ZDHHC2: variants seen among roughly 807,000 people sequenced by gnomAD.
The protein encoded by ZDHHC2 is palmitoyltransferase ZDHHC2.
Under a neutral mutation model 55.6 loss-of-function variants are expected in ZDHHC2, and 51 were observed. The ratio of observed to expected loss-of-function variants is 0.92; its 90% confidence interval spans 0.73 to 1.16. The LOEUF (loss-of-function observed/expected upper bound fraction) is 1.16, where lower values mean the gene tolerates loss of function less well. Among genes scored for constraint, ZDHHC2 ranks in the 50% most tolerant of loss-of-function variants. The probability of loss-of-function intolerance (pLI) is 0.00; values close to 1 mark genes in which losing one functional copy is unlikely to be tolerated. For missense variants in ZDHHC2, 491 were observed against 442.4 expected, an observed-to-expected ratio of 1.11 and a Z score of -0.99; for synonymous variants, 199 against 152.9, an observed-to-expected ratio of 1.30 and a Z score of -2.22.
chr8:17,198,063 C>T (rs890580869), intron 5 of ZDHHC2, among the ~76,000 whole-genome samples: 9 of 152,212 alleles, frequency 5.9e-5, no homozygotes, highest in South Asian at 2.1e-4. Flanking sequence ...CCAGACTTTC[C>T]GTAAATCCGT....
rs144039117 is a variant in ZDHHC2, at chr8:17,216,634, A to C, written c.1064-538A>C. The stretch of plus-strand genomic sequence containing the variant: ...ATTCCTCTTCATCCAGAAGGGATTC[A>C]CATTTCATCTTACATAATTTATGTT... On this transcript the variant is annotated intron_variant, in intron 11 of 12. Transcript: ENST00000262096. Among the ~76,000 whole-genome samples, 78 of 152,330 alleles carry C rather than the reference A, an allele frequency of 5.1e-4. 2 individuals are homozygous for C. The highest frequency in any genetic ancestry group is 1.8e-3 in the African/African-American group (75 of 41,598).
chr8:17,163,489 T>C (rs906042182), intron 1 of ZDHHC2, among the ~76,000 whole-genome samples: 2 of 152,328 alleles, frequency 1.3e-5, no homozygotes, highest in Admixed American at 6.5e-5. Context: ...ATGGTCCTCA[T>C]TGATTTTTTT....
intron 8 of ZDHHC2, among the ~76,000 whole-genome samples, chr8:17,209,680 G>A (rs2904679): frequency 0.97 from 147,439 of 152,246 alleles, 71,585 homozygotes; most frequent in East Asian, 1. Context: ...TGTATTTTCT[G>A]ATTTTCTACA....
In ZDHHC2 at chr8:17,156,675, C is replaced by T. The variant is rs1448347231; in HGVS notation, c.-49C>T. On this transcript the variant is annotated 5_prime_UTR_variant, in exon 1 of 13. Coordinates refer to ENST00000262096, the MANE Select transcript of ZDHHC2 (RefSeq NM_016353.5). ...CGGGCCCGCCCAGCCCGCCCCGGAG[C>T]CAGGCCCGCGGGCGGCGGCGGAGCT... The T allele has an allele frequency of 3.2e-6, 4 of 1,240,396 alleles. No individual in the cohort carries two copies. The allele number at this position is 1,240,396 out of a possible 1,614,324, so 76.8% of individuals were successfully genotyped here.
At position 17,164,031 on chromosome 8, in the gene ZDHHC2, G is replaced by A. The variant is rs77512945; in HGVS notation, c.130+7178G>A. On this transcript the variant is annotated intron_variant, in intron 1 of 12. Transcript: ENST00000262096. Reference sequence around the variant, plus strand: ...GTAGTGAAAAGGGCGAAATTATCAAGGCAGGGGGTAGGAGGAGGAGGCGCT... The same window carrying A: ...GTAGTGAAAAGGGCGAAATTATCAAAGCAGGGGGTAGGAGGAGGAGGCGCT... Among the ~76,000 whole-genome samples, 1,116 of 152,250 alleles carry A rather than the reference G, an allele frequency of 7.3e-3. 14 individuals are homozygous for A. Among genetic ancestry groups the A allele is most frequent in the African/African-American group, 0.026 (1,073 of 41,538 alleles).
intron 11 of ZDHHC2, among the ~76,000 whole-genome samples, chr8:17,216,717 T>C (rs924633079): frequency 2.0e-5 from 3 of 152,150 alleles, no homozygotes; most frequent in Non-Finnish European, 2.9e-5. Flanking sequence ...GCATGTTCGA[T>C]TAATTTTTTT....
intron 1 of ZDHHC2, among the ~76,000 whole-genome samples, chr8:17,165,233 T>A (rs2150880586): frequency 6.6e-6 from 1 of 152,318 alleles, no homozygotes; most frequent in Non-Finnish European, 1.5e-5. Context: ...TAACTTGTGA[T>A]CAAGTTTACT....
intron 1 of ZDHHC2, among the ~76,000 whole-genome samples, chr8:17,165,867 G>A (rs918874889): frequency 5.3e-5 from 8 of 152,156 alleles, no homozygotes; most frequent in Admixed American, 6.5e-5. Flanking sequence ...AACCATGCGG[G>A]TATTGTGGAG....
Position 17,217,235 on chromosome 8 carries a change from T to A in ZDHHC2, c.*23T>A. 1 of 1,603,926 alleles carries A rather than the reference T, an allele frequency of 6.2e-7. No homozygotes were observed. The highest frequency in any genetic ancestry group is 8.5e-7 in the Non-Finnish European group (1 of 1,174,310). ...TAACTCTTCAAGCAAGATAAATTCA[T>A]ACTTTATAAAAGTACGATAATTTTC... On this transcript the variant is annotated 3_prime_UTR_variant, in exon 12 of 13. Transcript: ENST00000262096.
At chr8:17,182,098 A>G (rs1485294440) in intron 1 of ZDHHC2, among the ~76,000 whole-genome samples, 5 of 152,190 alleles carry the variant, frequency 3.3e-5, no homozygotes, top group Admixed American at 2.0e-4. Context: ...TGCATAGTCC[A>G]TATATCTGTT....
intron 1 of ZDHHC2, among the ~76,000 whole-genome samples, chr8:17,158,787 C>T (rs1038915364): frequency 1.3e-5 from 2 of 152,162 alleles, no homozygotes; most frequent in African/African-American, 4.8e-5. Context: ...TTGTCCCTGC[C>T]TGCCTGGCGC....
intron 1 of ZDHHC2, among the ~76,000 whole-genome samples, chr8:17,168,191 C>G (rs954830731): frequency 6.6e-6 from 1 of 152,102 alleles, no homozygotes; most frequent in Non-Finnish European, 1.5e-5. Flanking sequence ...CAAGGAAGAC[C>G]GGAATTTTGG....
chr8:17,212,620 G>C (rs971196557), intron 10 of ZDHHC2, among the ~76,000 whole-genome samples: 1 of 152,242 alleles, frequency 6.6e-6, no homozygotes, highest in East Asian at 1.9e-4. Context: ...TACTTCAGTA[G>C]TTTTCTAACT....
intron 4 of ZDHHC2, among the ~76,000 whole-genome samples, chr8:17,196,496 G>C (rs1022476092): frequency 9.2e-5 from 14 of 151,992 alleles, no homozygotes; most frequent in Admixed American, 3.9e-4. Flanking sequence ...AGAAGTTGCA[G>C]TGAGCTGTGG....
chr8:17,194,682 G>A (rs1806214272), intron 3 of ZDHHC2, among the ~76,000 whole-genome samples: 1 of 152,158 alleles, frequency 6.6e-6, no homozygotes, highest in African/African-American at 2.4e-5. Context: ...AGTATACTGA[G>A]GTTCTTTCCT....
At chr8:17,167,102 C>G (rs1056419919) in intron 1 of ZDHHC2, among the ~76,000 whole-genome samples, 3 of 152,108 alleles carry the variant, frequency 2.0e-5, no homozygotes, top group Non-Finnish European at 4.4e-5. Context: ...TTAACACGTA[C>G]TAACATTTGG....
intron 5 of ZDHHC2, among the ~76,000 whole-genome samples, chr8:17,198,046 G>A (rs1299088260): frequency 6.6e-6 from 1 of 152,162 alleles, no homozygotes; most frequent in African/African-American, 2.4e-5. Context: ...TGAAGGGGAA[G>A]TTTTATCCAG....
chr8:17,167,068 T>C (rs755634246), intron 1 of ZDHHC2, among the ~76,000 whole-genome samples: 56 of 152,208 alleles, frequency 3.7e-4, no homozygotes, highest in Admixed American at 2.6e-4. Flanking sequence ...TGCACTCTTA[T>C]AGCCCTGGTA....
chr8:17,202,563 C>G (rs2150934447), intron 6 of ZDHHC2, among the ~76,000 whole-genome samples: 1 of 152,210 alleles, frequency 6.6e-6, no homozygotes, highest in Non-Finnish European at 1.5e-5. Context: ...CATATGAAAT[C>G]ATTCCTTTTC....
Sources: allele counts gnomAD v4.1 joint callset (sites outside exome capture counted in the v4.1 genomes callset), GRCh38; gene constraint gnomAD v4.1.1; transcripts MANE v1.5; gene names NCBI Gene and HGNC (gene_info 2026-07-23, HGNC 2026-07-21).